Variants in NDUFV3 observed in about 807,000 individuals in gnomAD.
NDUFV3 encodes the protein NADH dehydrogenase [ubiquinone] flavoprotein 3, mitochondrial.
NDUFV3 carries 44 observed loss-of-function variants against 37.5 expected under a neutral mutation model. The observed-to-expected ratio is 1.17, with a 90% CI of 0.92 to 1.51. NDUFV3 has a LOEUF of 1.51. NDUFV3 is among the 40% of genes most tolerant of loss of function. NDUFV3 has a pLI of 0.00. For synonymous variants in NDUFV3, 235 were observed against 239.3 expected, an observed-to-expected ratio of 0.98 and a Z score of 0.17; for missense variants, 580 against 580.4, an observed-to-expected ratio of 1.00 and a Z score of 0.01.
At chr21:42,896,865 A>G (rs1413376604) in intron 1 of NDUFV3, 62 bp from the exon 2 acceptor site, 3 of 1,514,836 alleles carry the variant, frequency 2.0e-6, no homozygotes, top group African/African-American at 2.8e-5. Context: ...ATATTCATAT[A>G]TAGTACCAGC....
intron 3 of NDUFV3, 83 bp downstream of exon 3, chr21:42,904,359 G>A (rs111550349): frequency 6.5e-7 from 1 of 1,533,272 alleles, no homozygotes; most frequent in African/African-American, 1.4e-5. Context: ...TGCTTGTAGA[G>A]CAGTGTTACA....
chr21:42,908,993 C>T lies in NDUFV3; in HGVS notation c.1394C>T (p.Ser465Phe), dbSNP rs1568862333. Reference protein sequence around the residue: ...ELSKFRMPQPSSGRESPRH With the variant: ...ELSKFRMPQPFSGRESPRH ...TCAAAATTCAGGATGCCTCAGCCCT[C>T]CTCAGGCCGGGAGTCACCTCGACAC... The change falls in exon 4 of 4, where the codon TCC (serine) becomes TTC (phenylalanine). Residue 465 changes from serine (S) to phenylalanine (F), a missense_variant. Coordinates refer to ENST00000354250, the MANE Select transcript of NDUFV3 (RefSeq NM_021075.4). The T allele has an allele frequency of 1.2e-6, 2 of 1,614,034 alleles. No homozygotes were observed. The highest frequency in any genetic ancestry group is 1.1e-5 in the South Asian group (1 of 91,082).
chr21:42,894,713 T>TAA (rs1232606315), intron 1 of NDUFV3, among the ~76,000 whole-genome samples: 14 of 149,604 alleles, frequency 9.4e-5, no homozygotes, highest in Non-Finnish European at 1.5e-5. Flanking sequence ...ATAGGGAAAT[T>TAA]CATTGACAGT....
chr21:42,899,303 CT>C (rs2058708646), intron 2 of NDUFV3, among the ~76,000 whole-genome samples: 1 of 123,116 alleles, frequency 8.1e-6, no homozygotes, highest in South Asian at 2.6e-4. Flanking sequence ...GAGTTTTGCT[CT>C]TTATGCCCAG....
intron 2 of NDUFV3, among the ~76,000 whole-genome samples, chr21:42,897,892 G>T (rs536655802): frequency 0.012 from 1,803 of 151,762 alleles, 17 homozygotes; most frequent in Non-Finnish European, 0.017. Context: ...TAGCCGGGAT[G>T]GTCTTGATCT....
intron 3 of NDUFV3, among the ~76,000 whole-genome samples, chr21:42,905,937 C>T (rs1018290982): frequency 1.3e-5 from 2 of 151,314 alleles, no homozygotes; most frequent in Non-Finnish European, 2.9e-5. Context: ...AATCTTGGCT[C>T]ACTGCCGGCT....
In NDUFV3 at chr21:42,904,112, G is replaced by T; in HGVS notation, c.1100G>T (p.Gly367Val). The T allele has an allele frequency of 6.2e-7, 1 of 1,614,248 alleles. No individual in the cohort carries two copies. Among genetic ancestry groups the T allele is most frequent in the South Asian group, 1.1e-5 (1 of 91,092 alleles). The change falls in exon 3 of 4, where the codon GGA becomes GTA. Residue 367 changes from glycine to valine, a missense_variant. By Grantham distance (109) the Gly-to-Val change is moderately radical. Transcript: ENST00000354250. ...TQGIEGHLKG[G>V]QAIVEDQIPP... ...GGAATAGAAGGCCACCTGAAGGGTG[G>T]ACAGGCAATCGTGGAAGATCAGATA...
In NDUFV3 at chr21:42,907,312, G is replaced by A. The variant is rs551582321; in HGVS notation, c.1265-1552G>A. On this transcript the variant is annotated intron_variant, in intron 3 of 3. Coordinates refer to ENST00000354250, the MANE Select transcript of NDUFV3 (RefSeq NM_021075.4). ...AAAAAAAATTTTTTATTTGACAGAC[G>A]TGCTCTGTCCCACAGGCTGGAGTGC... Among the ~76,000 whole-genome samples the A allele has an allele frequency of 6.6e-5, 10 of 152,098 alleles. No homozygotes were observed. In the South Asian group the frequency reaches 1.2e-3, roughly 19 times the overall value.
rs771227351 is a variant in NDUFV3, at chr21:42,903,646, C to T, written c.634C>T (p.Gln212Ter). 6.2e-7 allele frequency: 1 copy of T among 1,613,998 alleles called. No homozygotes were observed. The highest frequency in any genetic ancestry group is 8.5e-7 in the Non-Finnish European group (1 of 1,180,010). The change falls in exon 3 of 4, where the codon CAG becomes TAG. Residue 212 changes from glutamine (Q) to a stop codon, truncating the protein, a stop_gained. Coordinates refer to ENST00000354250, the MANE Select transcript of NDUFV3 (RefSeq NM_021075.4). LOFTEE classifies it high-confidence loss of function. The stretch of plus-strand genomic sequence containing the variant: ...ATCAGCAAAAGAGAAAACCTTGCTG[C>T]AGAAGCCGCATGTGGACATTACTGA... ...TVSAKEKTLLQKPHVDITDPE... is the reference protein window; with the variant it reads ...TVSAKEKTLL
chr21:42,893,483 C>A (rs2058666919), intron 1 of NDUFV3, 102 bp downstream of exon 1: 2 of 1,353,902 alleles, frequency 1.5e-6, no homozygotes, highest in Non-Finnish European at 2.0e-6. Flanking sequence ...TGTCCGCGAC[C>A]TCTAGCCGTC....
intron 2 of NDUFV3, among the ~76,000 whole-genome samples, chr21:42,901,235 C>G (rs563596765): frequency 6.6e-6 from 1 of 151,730 alleles, no homozygotes. Flanking sequence ...GTCAGGAGTT[C>G]GAGACCAGCC....
chr21:42,909,106 C>A lies in NDUFV3; in HGVS notation c.*85C>A. 2 of 1,394,074 alleles carry A rather than the reference C, an allele frequency of 1.4e-6. No individual in the cohort carries two copies. The highest frequency in any genetic ancestry group is 1.4e-5 in the African/African-American group (1 of 70,500). The allele number at this position is 1,394,074 out of a possible 1,614,324, so 86.4% of individuals were successfully genotyped here. On this transcript the variant is annotated 3_prime_UTR_variant, in exon 4 of 4. Coordinates refer to ENST00000354250, the MANE Select transcript of NDUFV3 (RefSeq NM_021075.4). ...TAAAATCCACTCAAGAGTCACAAGG[C>A]CCGCTGTGCATAATCGGTTTCACTT...
chr21:42,895,789 C>T (rs1301197943), intron 1 of NDUFV3, among the ~76,000 whole-genome samples: 6 of 151,998 alleles, frequency 3.9e-5, no homozygotes, highest in African/African-American at 1.4e-4. Flanking sequence ...AGTGATTGTC[C>T]TTGAACTCGG....
chr21:42,912,004 G>T lies in NDUFV3; in HGVS notation c.*2983G>T, dbSNP rs1339553374. On this transcript the variant is annotated 3_prime_UTR_variant, in exon 4 of 4. Transcript: ENST00000354250. Reference sequence around the variant, plus strand: ...GCCTGTAATCCCTGCACTTTGGAAGGCTGAGGCAGATGGATCACCTGAGGT... The same window carrying T: ...GCCTGTAATCCCTGCACTTTGGAAGTCTGAGGCAGATGGATCACCTGAGGT... The T allele has an allele frequency of 1.3e-5, 2 of 152,154 alleles. No homozygotes were observed. The highest frequency in any genetic ancestry group is 2.9e-5 in the Non-Finnish European group (2 of 68,034). The allele number at this position is 152,154 out of a possible 1,614,324, so 9.4% of individuals were successfully genotyped here.
At chr21:42,896,755 C>T (rs2058693219) in intron 1 of NDUFV3, among the ~76,000 whole-genome samples, 172 bp from the exon 2 acceptor site, 1 of 152,028 alleles carries the variant, frequency 6.6e-6, no homozygotes, top group Admixed American at 6.6e-5. Flanking sequence ...CAGAGTATCG[C>T]TTGGACCCAG....
At chr21:42,898,231 T>C (rs2058702740) in intron 2 of NDUFV3, among the ~76,000 whole-genome samples, 1 of 152,140 alleles carries the variant, frequency 6.6e-6, no homozygotes, top group South Asian at 2.1e-4. Context: ...TTTAGTTTTG[T>C]GCTATGACTC....
At chr21:42,897,955 C>T (rs1304628159) in intron 2 of NDUFV3, among the ~76,000 whole-genome samples, 3 of 152,242 alleles carry the variant, frequency 2.0e-5, no homozygotes, top group Non-Finnish European at 2.9e-5. Context: ...GAATTACAGG[C>T]GTGAGCCACC....
intron 1 of NDUFV3, among the ~76,000 whole-genome samples, chr21:42,896,196 G>C (rs1312070078): frequency 7.9e-6 from 1 of 127,186 alleles, no homozygotes; most frequent in African/African-American, 3.1e-5. Flanking sequence ...TTGCTCTGTC[G>C]CCCAGGCTAG....
At chr21:42,905,233 C>T (rs186959125) in intron 3 of NDUFV3, among the ~76,000 whole-genome samples, 2 of 152,272 alleles carry the variant, frequency 1.3e-5, no homozygotes, top group Non-Finnish European at 2.9e-5. Flanking sequence ...TGGGGCATCT[C>T]GCTAAGTGAA....
Sources: allele counts gnomAD v4.1 joint callset (sites outside exome capture counted in the v4.1 genomes callset), GRCh38; gene constraint gnomAD v4.1.1; transcripts MANE v1.5; gene names NCBI Gene and HGNC (gene_info 2026-07-23, HGNC 2026-07-21).